Variants in TBC1D30 observed in about 807,000 individuals in gnomAD.
The protein encoded by TBC1D30 is TBC1 domain family member 30.
A neutral mutation model predicts 63.2 loss-of-function variants in TBC1D30; 31 were observed. The ratio of observed to expected loss-of-function variants is 0.49; its 90% CI spans 0.37 to 0.66. The LOEUF is 0.66. TBC1D30 is among the 30% of genes least tolerant of loss of function. TBC1D30 has a pLI of 0.00. For synonymous variants in TBC1D30, 307 were observed against 361.5 expected, an observed-to-expected ratio of 0.85 and a Z score of 1.71; for missense variants, 810 against 953.6, an observed-to-expected ratio of 0.85 and a Z score of 1.98.
At chr12:64,859,972 G>A (rs990314266) in intron 8 of TBC1D30, among the ~76,000 whole-genome samples, 5 of 151,490 alleles carry the variant, frequency 3.3e-5, no homozygotes, top group Admixed American at 1.3e-4. Context: ...CAGGACTCAT[G>A]GATGATGGTT....
intron 11 of TBC1D30, among the ~76,000 whole-genome samples, chr12:64,872,852 C>G (rs1878763056): frequency 6.6e-6 from 1 of 152,122 alleles, no homozygotes; most frequent in Admixed American, 6.5e-5. Flanking sequence ...CAGGGAAACT[C>G]CCATTTTTAA....
intron 5 of TBC1D30, among the ~76,000 whole-genome samples, chr12:64,832,879 T>A (rs549890988): frequency 6.6e-6 from 1 of 152,316 alleles, no homozygotes; most frequent in Non-Finnish European, 1.5e-5. Flanking sequence ...CTCAACCCAG[T>A]GGCTGGCACC....
chr12:64,866,679 G>C (rs1393683985), intron 9 of TBC1D30, 85 bp from the exon 10 acceptor site: 2 of 1,232,686 alleles, frequency 1.6e-6, no homozygotes, highest in Non-Finnish European at 2.2e-6. Flanking sequence ...TATATATATG[G>C]CATTTAAACC....
At chr12:64,763,019 G>A (rs1041047689) in intron 1 of TBC1D30, among the ~76,000 whole-genome samples, 2 of 151,870 alleles carry the variant, frequency 1.3e-5, no homozygotes, top group African/African-American at 4.8e-5. Context: ...ATCTGTCTGC[G>A]CTCTTGGCTC....
rs1262618362 is a variant in TBC1D30 at position 64,830,374 on chromosome 12, T to C, written c.283-3T>C. On this transcript the variant is annotated splice_polypyrimidine_tract_variant and splice_region_variant and intron_variant, in intron 3 of 11. Transcript: ENST00000539867. Reference sequence around the variant, plus strand: ...ATTCTCCTTTGTCTATGTAATATTTTAGGTTTGGTTGACCTTGGCAGATCA... The same window carrying C: ...ATTCTCCTTTGTCTATGTAATATTTCAGGTTTGGTTGACCTTGGCAGATCA... 1 of 1,524,154 alleles carries C rather than the reference T, an allele frequency of 6.6e-7. No homozygotes were observed. Among genetic ancestry groups the C allele is most frequent in the South Asian group, 1.2e-5 (1 of 82,966 alleles). The allele number at this position is 1,524,154 out of a possible 1,614,324, so 94.4% of individuals were successfully genotyped here. A position where few individuals can be genotyped will look rare whatever the true frequency, so the allele number is the denominator to read the frequency against.
At chr12:64,772,894 A>G (rs920038715) in intron 1 of TBC1D30, among the ~76,000 whole-genome samples, 1 of 152,172 alleles carries the variant, frequency 6.6e-6, no homozygotes, top group African/African-American at 2.4e-5. Flanking sequence ...CTTTCTTTCT[A>G]CTATTGCAAA....
At chr12:64,766,003 C>A (rs944159401) in intron 1 of TBC1D30, among the ~76,000 whole-genome samples, 5 of 151,832 alleles carry the variant, frequency 3.3e-5, no homozygotes, top group Non-Finnish European at 7.4e-5. Context: ...CAGAGGGATA[C>A]CCTGTCTCAA....
At chr12:64,778,740 G>C (rs1299923721), upstream of TBC1D30, among the ~76,000 whole-genome samples, 1 of 151,916 alleles carries the variant, frequency 6.6e-6, no homozygotes. Flanking sequence ...TGGCCAGGAT[G>C]GTCTCGATCT....
chr12:64,808,238 C>T (rs576016845), intron 2 of TBC1D30, among the ~76,000 whole-genome samples: 64 of 152,254 alleles, frequency 4.2e-4, no homozygotes, highest in African/African-American at 1.4e-3. Flanking sequence ...TTCTGCACCA[C>T]GTTTATGTAG....
chr12:64,842,930 C>T (rs980505462), intron 7 of TBC1D30, among the ~76,000 whole-genome samples: 1 of 152,148 alleles, frequency 6.6e-6, no homozygotes, highest in Admixed American at 6.5e-5. Context: ...AATGTTTCAT[C>T]CACAGTGGGC....
intron 1 of TBC1D30, chr12:64,785,796 C>A: frequency 2.7e-6 from 3 of 1,091,584 alleles, no homozygotes; most frequent in Non-Finnish European, 2.4e-6. Flanking sequence ...AATGGATGTT[C>A]TATTTATCTT....
intron 2 of TBC1D30, among the ~76,000 whole-genome samples, chr12:64,797,640 ACT>A (rs57748111): frequency 0.033 from 4,928 of 151,398 alleles, 294 homozygotes; most frequent in African/African-American, 0.11. Flanking sequence ...GTCTGTTCAT[ACT>A]CTCTCTCTCT....
chr12:64,815,456 T>A (rs937947973), intron 2 of TBC1D30, among the ~76,000 whole-genome samples: 1 of 152,196 alleles, frequency 6.6e-6, no homozygotes, highest in Non-Finnish European at 1.5e-5. Flanking sequence ...AAGACGTTTT[T>A]AAAAGGAGGT....
chr12:64,824,171 A>G (rs1203844769), upstream of TBC1D30, among the ~76,000 whole-genome samples: 1 of 152,124 alleles, frequency 6.6e-6, no homozygotes, highest in Admixed American at 6.5e-5. Flanking sequence ...GCTTGAAAAG[A>G]GAACACTTTT....
intron 10 of TBC1D30, chr12:64,868,124 A>C: frequency 5.9e-6 from 1 of 170,822 alleles, no homozygotes; most frequent in South Asian, 1.5e-4. Flanking sequence ...TATAGATCTC[A>C]TGAATCAGAT....
exon 2 of TBC1D30, chr12:64,785,933 C>A (rs1871544379): frequency 7.8e-7 from 1 of 1,289,728 alleles, no homozygotes; most frequent in Admixed American, 2.3e-5. Flanking sequence ...GAATTGGCAT[C>A]CAGTCGGCCA....
At chr12:64,850,098 C>T (rs939356175) in intron 8 of TBC1D30, among the ~76,000 whole-genome samples, 6 of 152,272 alleles carry the variant, frequency 3.9e-5, no homozygotes, top group African/African-American at 1.4e-4. Context: ...TAGAGGAATG[C>T]TTGTGATTTT....
At chr12:64,860,510 G>T (rs1386215946) in intron 8 of TBC1D30, among the ~76,000 whole-genome samples, 1 of 151,574 alleles carries the variant, frequency 6.6e-6, no homozygotes, top group African/African-American at 2.4e-5. Context: ...TTAATGTTAC[G>T]GGCTTCAGCA....
rs117291393 is a variant in TBC1D30 at position 64,832,957 on chromosome 12, C to A, written c.594+653C>A. Among the ~76,000 whole-genome samples, 25 of 152,224 alleles carry A rather than the reference C, an allele frequency of 1.6e-4. No homozygotes were observed. The East Asian group carries it at 4.8e-3, about 29-fold the overall frequency. On this transcript the variant is annotated intron_variant, in intron 5 of 11. Coordinates refer to ENST00000539867, the MANE Select transcript of TBC1D30 (RefSeq NM_015279.2). ...AGAGTTTAAGTTACAGATTTGTAGCCAAACATCAGAAGTGACATCCCACTA... is the reference window on the plus strand; with the variant it reads ...AGAGTTTAAGTTACAGATTTGTAGCAAAACATCAGAAGTGACATCCCACTA...
Sources: gnomAD v4.1 joint callset for allele counts (sites outside exome capture counted in the v4.1 genomes callset) on GRCh38, gnomAD v4.1.1 for gene constraint, MANE v1.5 for transcripts, NCBI Gene and HGNC (gene_info 2026-07-23, HGNC 2026-07-21) for gene names.